Variants in PENK observed in about 807,000 individuals in gnomAD.
PENK encodes proenkephalin.
A neutral mutation model predicts 24.1 loss-of-function variants in PENK; 25 were observed. The ratio of observed to expected loss-of-function variants is 1.04; its 90% CI spans 0.76 to 1.45. The LOEUF (loss-of-function observed/expected upper bound fraction) is 1.45, where lower values mean the gene tolerates loss of function less well. Among genes scored for constraint, PENK ranks in the 40% most tolerant of loss-of-function variants. PENK has a pLI of 0.00. For missense variants in PENK, 353 were observed against 337.9 expected (o/e 1.04, Z -0.35); for synonymous variants, 135 against 130.3 (o/e 1.04, Z -0.24).
chr8:56,444,055 G>A (rs1804608033), intron 3 of PENK: 1 of 695,470 alleles, frequency 1.4e-6, no homozygotes, highest in African/African-American at 1.8e-5. Flanking sequence ...GAGAGGGAGA[G>A]AAGTCAAGAT....
At chr8:56,442,986 C>T (rs6474063) in intron 3 of PENK, among the ~76,000 whole-genome samples, 125,463 of 152,032 alleles carry the variant, frequency 0.83, 52,162 homozygotes, top group African/African-American at 0.93. Context: ...GAGTTTTTTA[C>T]AGCCCTCTGA....
chr8:56,445,895 G>A lies in PENK; in HGVS notation c.59C>T (p.Ala20Val). Residue 20 changes from alanine (A) to valine (V), a missense_variant, in exon 3 of 4, where the codon GCG becomes GTG. By Grantham distance (64) the Ala-to-Val change is moderately conservative. Coordinates refer to ENST00000451791, the MANE Select transcript of PENK (RefSeq NM_001135690.3). ...WLLLLGPGLL[A>V]TVRAECSQDC... ...CTGGCTGCATTCGGCCCGCACGGTC[G>A]CCAGGAGCCCGGGGCCGAGCAACAG... The A allele has an allele frequency of 6.2e-7, 1 of 1,612,812 alleles. No individual in the cohort carries two copies.
chr8:56,444,712 G>A (rs1804622139), intron 3 of PENK, among the ~76,000 whole-genome samples: 1 of 152,214 alleles, frequency 6.6e-6, no homozygotes. Flanking sequence ...CATTTAACCT[G>A]AAATATATAC....
In PENK at chr8:56,443,339, T is replaced by A. The variant is rs1313768264; in HGVS notation, c.139-1402A>T. Among the ~76,000 whole-genome samples, 3 of 152,370 alleles carry A rather than the reference T, an allele frequency of 2.0e-5. No individual in the cohort carries two copies. In the East Asian group the frequency reaches 5.8e-4, roughly 29 times the overall value. On this transcript the variant is annotated intron_variant, in intron 3 of 3. Transcript: ENST00000451791. ...GTGATCTTGTTGTTAAAAATTAATG[T>A]TGAATGTTTTGCATACTAATACCAA...
chr8:56,441,898 T>C lies in PENK; in HGVS notation c.178A>G (p.Lys60Glu). 1 of 1,613,910 alleles carries C rather than the reference T, an allele frequency of 6.2e-7. No individual in the cohort carries two copies. Among genetic ancestry groups the C allele is most frequent in the African/African-American group, 1.3e-5 (1 of 74,986 alleles). The stretch of plus-strand genomic sequence containing the variant: ...AGCTCCTTGCAGGTTTCCCAAATTT[T>C]CAGAGAAGGCAGTTTACCTTCACAT... The part of the protein sequence containing the change: ...MECEGKLPSL[K>E]IWETCKELLQ... Residue 60 changes from lysine to glutamate, a missense_variant, in exon 4 of 4, where the codon AAA becomes GAA. Lys to Glu is a moderately conservative substitution (Grantham distance 56). Coordinates refer to ENST00000451791, the MANE Select transcript of PENK (RefSeq NM_001135690.3).
chr8:56,445,992 C>T (rs747200405), intron 2 of PENK, 36 bp from the exon 3 acceptor site: 6 of 1,476,718 alleles, frequency 4.1e-6, no homozygotes, highest in Non-Finnish European at 4.5e-6. Flanking sequence ...TCGAGCCTGC[C>T]TGGGCGCAGA....
chr8:56,441,695 A>T lies in PENK; in HGVS notation c.381T>A (p.Asn127Lys). Residue 127 changes from asparagine to lysine, a missense_variant, in exon 4 of 4, where the codon AAT (asparagine) becomes AAA (lysine). Coordinates refer to ENST00000451791, the MANE Select transcript of PENK (RefSeq NM_001135690.3). ...ACCGCTTGGCGAGGATCTCACTTCC[A>T]TTGGCCTCTTCTTCTGGCTCCATGG... Reference protein sequence around the residue: ...LYPMEPEEEANGSEILAKRYG... With the variant: ...LYPMEPEEEAKGSEILAKRYG... 2.5e-6 allele frequency: 4 copies of T among 1,613,000 alleles called. No homozygotes were observed. Among genetic ancestry groups the T allele is most frequent in the Non-Finnish European group, 3.4e-6 (4 of 1,179,732 alleles).
Position 56,441,752 on chromosome 8 carries a change from T to C in PENK, c.324A>G (p.Gly108=), listed in dbSNP as rs145271149. The change falls in exon 4 of 4, where the codon GGA becomes GGG. Residue 108 remains glycine (G), a synonymous_variant. Transcript: ENST00000451791. ...KRYGGFMKRY[G]GFMKKMDELY... is the part of the protein sequence containing the mutation. ...GCTCATCCATTTTCTTCATGAAGCCTCCATACCTTTTCATGAAGCCCCCAT... is the reference window on the plus strand; with the variant it reads ...GCTCATCCATTTTCTTCATGAAGCCCCCATACCTTTTCATGAAGCCCCCAT... 3 of 1,609,326 alleles carry C rather than the reference T, an allele frequency of 1.9e-6. No homozygotes were observed. The African/African-American group carries it at 4.2e-5, about 23-fold the overall frequency.
chr8:56,444,465 T>C (rs1437278), intron 3 of PENK, among the ~76,000 whole-genome samples: 125,568 of 152,178 alleles, frequency 0.83, 52,206 homozygotes, highest in African/African-American at 0.93. Context: ...TTTTGGATTT[T>C]TCTTCCTCCT....
chr8:56,445,721 C>G, intron 3 of PENK, 95 bp downstream of exon 3: 1 of 1,531,550 alleles, frequency 6.5e-7, no homozygotes, highest in Non-Finnish European at 9.0e-7. Context: ...TGCGAACCGC[C>G]ATACGCGCCG....
chr8:56,445,999 C>A (rs777120231), intron 2 of PENK, 43 bp from the exon 3 acceptor site: 2 of 1,436,854 alleles, frequency 1.4e-6, no homozygotes, highest in African/African-American at 2.7e-5. Context: ...TGCCTGGGCG[C>A]AGAACGGGGT....
chr8:56,446,049 A>G (rs1804657943), intron 2 of PENK, 93 bp from the exon 3 acceptor site: 1 of 1,377,194 alleles, frequency 7.3e-7, no homozygotes, highest in African/African-American at 1.5e-5. Flanking sequence ...TCAGCAGGGG[A>G]TCGTCGAGCA....
At position 56,444,118 on chromosome 8, in the gene PENK, G is replaced by C. The variant is rs1012192096; in HGVS notation, c.138+1698C>G. On this transcript the variant is annotated intron_variant, in intron 3 of 3. Transcript: ENST00000451791. Reference sequence around the variant, plus strand: ...CTGCTACCCAGTGAGCTCTGCTCAAGTTCCTCAACAATGCAAAAGGAAGAT... The same window carrying C: ...CTGCTACCCAGTGAGCTCTGCTCAACTTCCTCAACAATGCAAAAGGAAGAT... The C allele has an allele frequency of 5.6e-6, 3 of 531,198 alleles. No homozygotes were observed. The East Asian group carries it at 9.1e-5, about 16-fold the overall frequency. The allele number at this position is 531,198 out of a possible 1,614,324, so 32.9% of individuals were successfully genotyped here. A position where few individuals can be genotyped will look rare whatever the true frequency, so the allele number is the denominator to read the frequency against.
chr8:56,445,545 G>A, intron 3 of PENK: 1 of 604,904 alleles, frequency 1.7e-6, no homozygotes, highest in South Asian at 1.9e-5. Context: ...GAATTCCCAG[G>A]GTTAAAACAA....
chr8:56,446,083 C>G (rs1304506646), intron 2 of PENK, 127 bp from the exon 3 acceptor site: 1 of 1,131,196 alleles, frequency 8.8e-7, no homozygotes, highest in Non-Finnish European at 1.2e-6. Flanking sequence ...ATGCTCCTTT[C>G]TGGGGCCCCG....
At chr8:56,442,215 T>A (rs1009719438) in intron 3 of PENK, among the ~76,000 whole-genome samples, 15 of 152,286 alleles carry the variant, frequency 9.8e-5, no homozygotes, top group Admixed American at 3.3e-4. Context: ...TAAAAAAAAA[T>A]TTTCCATGCA....
Position 56,441,117 on chromosome 8 carries a change from C to T in PENK, c.*155G>A, listed in dbSNP as rs1182020932. 3 of 639,824 alleles carry T rather than the reference C, an allele frequency of 4.7e-6. No homozygotes were observed. The allele number at this position is 639,824 out of a possible 1,614,324, so 39.6% of individuals were successfully genotyped here. A position where few individuals can be genotyped will look rare whatever the true frequency, so the allele number is the denominator to read the frequency against. Reference sequence around the variant, plus strand: ...TAAAGACTCCAAAAAGAGCACAGAACCTGAAATGACAGTTTTCAGGTTGTA... The same window carrying T: ...TAAAGACTCCAAAAAGAGCACAGAATCTGAAATGACAGTTTTCAGGTTGTA... On this transcript the variant is annotated 3_prime_UTR_variant, in exon 4 of 4. Transcript: ENST00000451791.
chr8:56,441,394 T>C lies in PENK; in HGVS notation c.682A>G (p.Lys228Glu). 6.2e-7 allele frequency: 1 copy of C among 1,614,142 alleles called. No individual in the cohort carries two copies. Among genetic ancestry groups the C allele is most frequent in the Non-Finnish European group, 8.5e-7 (1 of 1,180,010 alleles). Reference protein sequence around the residue: ...GRPEWWMDYQKRYGGFLKRFA... With the variant: ...GRPEWWMDYQERYGGFLKRFA... ...CGCTTCAGGAAACCTCCATACCGTT[T>C]CTGGTAGTCCATCCACCACTCTGGG... The change falls in exon 4 of 4, where the codon AAA (lysine) becomes GAA (glutamate). Residue 228 changes from lysine to glutamate, a missense_variant. Physicochemically the swap from Lys to Glu is moderately conservative, Grantham distance 56. Coordinates refer to ENST00000451791, the MANE Select transcript of PENK (RefSeq NM_001135690.3).
intron 3 of PENK, among the ~76,000 whole-genome samples, chr8:56,443,211 ATG>A (rs2128941362): frequency 6.6e-6 from 1 of 152,332 alleles, no homozygotes; most frequent in East Asian, 1.9e-4. Context: ...AATAATTAAA[ATG>A]TCTTATTTTA....
Sources: gnomAD v4.1 joint callset for allele counts (sites outside exome capture counted in the v4.1 genomes callset) on GRCh38, gnomAD v4.1.1 for gene constraint, MANE v1.5 for transcripts, NCBI Gene and HGNC (gene_info 2026-07-23, HGNC 2026-07-21) for gene names.